Variants in MACROD2 observed in about 807,000 individuals in gnomAD.
MACROD2 encodes the protein ADP-ribose glycohydrolase MACROD2.
MACROD2 carries 36 observed loss-of-function variants against 70.4 expected under a neutral mutation model. The observed-to-expected ratio is 0.51, with a 90% CI of 0.39 to 0.68. The LOEUF (loss-of-function observed/expected upper bound fraction) is 0.68. Ranked by LOEUF, MACROD2 falls within the 30% of genes least tolerant of loss-of-function variation. MACROD2 has a pLI of 0.00. For synonymous variants in MACROD2, 172 were observed against 178.8 expected, an observed-to-expected ratio of 0.96 and a Z score of 0.30; for missense variants, 496 against 538.4, an observed-to-expected ratio of 0.92 and a Z score of 0.78.
chr20:14,101,001 C>A (rs955982442), intron 3 of MACROD2, among the ~76,000 whole-genome samples: 1 of 150,402 alleles, frequency 6.6e-6, no homozygotes, highest in African/African-American at 2.4e-5. Flanking sequence ...TTTATCTTTT[C>A]CCCCTGATAT....
intron 2 of MACROD2, among the ~76,000 whole-genome samples, chr20:14,083,846 C>G (rs891348188): frequency 2.0e-5 from 3 of 151,330 alleles, no homozygotes; most frequent in Admixed American, 2.0e-4. Context: ...TTTGGGAGGC[C>G]GAGGCGGGCA....
intron 8 of MACROD2, among the ~76,000 whole-genome samples, chr20:15,526,271 G>T (rs1475921006): frequency 1.3e-5 from 2 of 152,100 alleles, no homozygotes; most frequent in Non-Finnish European, 1.5e-5. Flanking sequence ...AAATAAGCTA[G>T]CTGGACCCCA....
intron 5 of MACROD2, among the ~76,000 whole-genome samples, chr20:14,821,815 G>A (rs953678078): frequency 6.6e-6 from 1 of 151,914 alleles, no homozygotes; most frequent in African/African-American, 2.4e-5. Flanking sequence ...GACCCACTCT[G>A]GCACTTCCAA....
chr20:14,107,591 C>G (rs1416719298), intron 3 of MACROD2, among the ~76,000 whole-genome samples: 1 of 152,036 alleles, frequency 6.6e-6, no homozygotes, highest in African/African-American at 2.4e-5. Flanking sequence ...ATTTAATAAC[C>G]AAACTCCCCA....
chr20:15,921,350 T>C (rs1018945547), intron 10 of MACROD2, among the ~76,000 whole-genome samples: 19 of 152,202 alleles, frequency 1.2e-4, no homozygotes, highest in African/African-American at 4.6e-4. Context: ...TTCATTTGCG[T>C]GAATATTTCC....
At chr20:15,707,182 C>T (rs887986622) in intron 8 of MACROD2, among the ~76,000 whole-genome samples, 2 of 152,078 alleles carry the variant, frequency 1.3e-5, no homozygotes, top group Admixed American at 1.3e-4. Flanking sequence ...CTCACCTGAT[C>T]CTGGGTGACG....
intron 5 of MACROD2, among the ~76,000 whole-genome samples, chr20:15,087,084 A>C (rs574161936): frequency 4.6e-5 from 7 of 151,812 alleles, no homozygotes; most frequent in Non-Finnish European, 1.0e-4. Context: ...TCATCTATTT[A>C]TGTATCTTTA....
intron 15 of MACROD2, among the ~76,000 whole-genome samples, chr20:16,031,380 G>A (rs2067149540): frequency 6.6e-6 from 1 of 152,094 alleles, no homozygotes; most frequent in African/African-American, 2.4e-5. Context: ...CATGCTCTAA[G>A]TGATCTGATT....
At chr20:15,364,241 A>T (rs956538544) in intron 6 of MACROD2, among the ~76,000 whole-genome samples, 9 of 152,166 alleles carry the variant, frequency 5.9e-5, no homozygotes, top group Admixed American at 4.6e-4. Context: ...GCATTCCTCC[A>T]TCCCCCTTCC....
intron 8 of MACROD2, among the ~76,000 whole-genome samples, chr20:15,860,702 C>A (rs1196393504): frequency 2.0e-5 from 3 of 152,150 alleles, no homozygotes; most frequent in African/African-American, 7.2e-5. Context: ...CCCTTTCTTT[C>A]TAAAGGAATA....
chr20:14,285,301 T>A (rs776891378), intron 3 of MACROD2, among the ~76,000 whole-genome samples: 23 of 152,362 alleles, frequency 1.5e-4, no homozygotes, highest in Non-Finnish European at 2.9e-4. Context: ...GGTAATTTTA[T>A]ACAATATTTT....
chr20:15,093,020 A>G (rs1437704558), intron 5 of MACROD2, among the ~76,000 whole-genome samples: 3 of 152,320 alleles, frequency 2.0e-5, no homozygotes, highest in East Asian at 3.9e-4. Context: ...TTAAATATTA[A>G]TTAGTACTTA....
intron 3 of MACROD2, among the ~76,000 whole-genome samples, chr20:14,438,101 C>T (rs1457417853): frequency 6.6e-6 from 1 of 152,096 alleles, no homozygotes; most frequent in Non-Finnish European, 1.5e-5. Flanking sequence ...CTTCCTATTT[C>T]CTCCTCCCAC....
At chr20:15,071,697 A>G (rs1200124280) in intron 5 of MACROD2, among the ~76,000 whole-genome samples, 1 of 152,184 alleles carries the variant, frequency 6.6e-6, no homozygotes, top group East Asian at 1.9e-4. Flanking sequence ...ATGCTACCTT[A>G]TAGAAAAACA....
chr20:14,777,423 T>C (rs1343264063), intron 5 of MACROD2, among the ~76,000 whole-genome samples: 2 of 151,926 alleles, frequency 1.3e-5, no homozygotes, highest in Admixed American at 6.6e-5. Flanking sequence ...CCCTATGATA[T>C]GTGTATGTGT....
intron 6 of MACROD2, among the ~76,000 whole-genome samples, chr20:15,275,355 G>A (rs746670621): frequency 6.6e-5 from 10 of 152,146 alleles, no homozygotes; most frequent in Non-Finnish European, 1.0e-4. Context: ...AACAACAATG[G>A]GGAGTCCTTT....
chr20:14,701,784 T>G (rs145295367), intron 5 of MACROD2, among the ~76,000 whole-genome samples: 2 of 152,164 alleles, frequency 1.3e-5, no homozygotes, highest in Non-Finnish European at 2.9e-5. Flanking sequence ...CAAAACATGG[T>G]GATCACTTCT....
intron 5 of MACROD2, among the ~76,000 whole-genome samples, chr20:14,910,355 T>G (rs140563855): frequency 1.8e-3 from 280 of 152,302 alleles, no homozygotes; most frequent in African/African-American, 6.4e-3. Flanking sequence ...TATATAGTAC[T>G]GCAGCCCCTC....
At chr20:15,873,716 G>T (rs1191464874) in intron 9 of MACROD2, among the ~76,000 whole-genome samples, 1 of 151,726 alleles carries the variant, frequency 6.6e-6, no homozygotes, top group Admixed American at 6.6e-5. Flanking sequence ...AAGGAGAAAA[G>T]GGAAGATGAA....
Sources: allele counts gnomAD v4.1 joint callset (sites outside exome capture counted in the v4.1 genomes callset), GRCh38; gene constraint gnomAD v4.1.1; transcripts MANE v1.5; gene names NCBI Gene and HGNC (gene_info 2026-07-23, HGNC 2026-07-21).